Variants in NOL4 observed in about 807,000 individuals in gnomAD.
NOL4 encodes the protein cancer/testis antigen 125.
A neutral mutation model predicts 75.9 loss-of-function variants in NOL4; 17 were observed. That is an observed-to-expected ratio of 0.22 (90% CI 0.15 to 0.34). The LOEUF is 0.34. NOL4 is among the 10% of genes least tolerant of loss of function. The pLI is 1.00. For synonymous variants in NOL4, 292 were observed against 289.9 expected, an observed-to-expected ratio of 1.01 and a Z score of -0.07; for missense variants, 614 against 793.5, an observed-to-expected ratio of 0.77 and a Z score of 2.72.
At position 33,876,613 on chromosome 18, in the gene NOL4, C is replaced by T. The variant is rs1359812917; in HGVS notation, c.1723+6631G>A. ...AGTTTCTTTCTCCAGAGCTCCAAAA[C>T]TGTTACAGGGAATGACTATTTTGAT... On this transcript the variant is annotated intron_variant, in intron 10 of 10. Transcript: ENST00000261592. Among the ~76,000 whole-genome samples, 3 of 152,070 alleles carry T rather than the reference C, an allele frequency of 2.0e-5. No individual in the cohort carries two copies. The East Asian group carries it at 5.8e-4, about 29-fold the overall frequency.
intron 10 of NOL4, among the ~76,000 whole-genome samples, chr18:33,868,249 G>T (rs1307991974): frequency 6.7e-6 from 1 of 150,374 alleles, no homozygotes; most frequent in Non-Finnish European, 1.5e-5. Flanking sequence ...TTGCTATGTT[G>T]CCCAGGCTGG....
At chr18:33,873,793 A>G (rs914077309) in intron 10 of NOL4, among the ~76,000 whole-genome samples, 3 of 152,030 alleles carry the variant, frequency 2.0e-5, no homozygotes, top group East Asian at 1.9e-4. Context: ...GCCCTTGTGC[A>G]TAGTCTATAG....
At chr18:34,180,211 T>C (rs971992724) in intron 1 of NOL4, among the ~76,000 whole-genome samples, 1 of 151,524 alleles carries the variant, frequency 6.6e-6, no homozygotes, top group South Asian at 2.1e-4. Context: ...AACAATATCC[T>C]TTATTAATAT....
chr18:34,142,795 C>T (rs1301026622), intron 1 of NOL4, among the ~76,000 whole-genome samples: 3 of 151,800 alleles, frequency 2.0e-5, no homozygotes, highest in Non-Finnish European at 4.4e-5. Flanking sequence ...CAAACCTGCA[C>T]GTTGTGCACA....
intron 5 of NOL4, among the ~76,000 whole-genome samples, 167 bp from the exon 6 acceptor site, chr18:34,019,768 G>C (rs951594485): frequency 6.7e-6 from 1 of 150,368 alleles, no homozygotes; most frequent in African/African-American, 2.5e-5. Flanking sequence ...TTTTAATCTA[G>C]TAGGCACATG....
At chr18:33,920,362 T>G (rs1422122478) in intron 9 of NOL4, among the ~76,000 whole-genome samples, 1 of 152,064 alleles carries the variant, frequency 6.6e-6, no homozygotes, top group Non-Finnish European at 1.5e-5. Context: ...TTAAAGAGAG[T>G]TGGTGGTAGT....
At chr18:34,035,999 G>A (rs1212582902) in intron 5 of NOL4, among the ~76,000 whole-genome samples, 1 of 151,986 alleles carries the variant, frequency 6.6e-6, no homozygotes, top group Non-Finnish European at 1.5e-5. Context: ...TTCCAACAAA[G>A]CAAAGACCAG....
intron 2 of NOL4, among the ~76,000 whole-genome samples, chr18:34,121,837 G>C (rs540470520): frequency 2.0e-5 from 3 of 152,236 alleles, no homozygotes; most frequent in African/African-American, 7.2e-5. Flanking sequence ...AGGCATTTTG[G>C]TTATTACAGT....
chr18:33,976,643 A>T (rs896267499), intron 6 of NOL4, among the ~76,000 whole-genome samples: 1 of 152,172 alleles, frequency 6.6e-6, no homozygotes, highest in African/African-American at 2.4e-5. Flanking sequence ...GATGAAAAAA[A>T]GTTATGCATA....
intron 6 of NOL4, among the ~76,000 whole-genome samples, chr18:33,969,866 G>A (rs546787594): frequency 1.7e-3 from 255 of 151,640 alleles, no homozygotes; most frequent in Middle Eastern, 6.9e-3. Context: ...AATCTCTTCC[G>A]CTTAATAATT....
At chr18:33,989,873 A>G (rs550288201) in intron 6 of NOL4, among the ~76,000 whole-genome samples, 1 of 152,236 alleles carries the variant, frequency 6.6e-6, no homozygotes, top group South Asian at 2.1e-4. Context: ...TGTTCATTAA[A>G]CAACGTATAA....
At chr18:34,060,108 C>A (rs370170837) in intron 5 of NOL4, among the ~76,000 whole-genome samples, 3 of 152,056 alleles carry the variant, frequency 2.0e-5, no homozygotes, top group East Asian at 3.9e-4. Context: ...TTTTAAAGGG[C>A]TATGCTTTTG....
intron 10 of NOL4, among the ~76,000 whole-genome samples, chr18:33,881,374 T>C (rs1260416991): frequency 6.7e-6 from 1 of 149,278 alleles, no homozygotes; most frequent in Non-Finnish European, 1.5e-5. Flanking sequence ...TCCTGCCTAA[T>C]TGCCCTGGCC....
chr18:34,066,849 TC>T (rs1189246022), intron 5 of NOL4, among the ~76,000 whole-genome samples: 3 of 151,932 alleles, frequency 2.0e-5, no homozygotes, highest in Non-Finnish European at 2.9e-5. Flanking sequence ...CAGAAAGAAG[TC>T]AGGAATTACT....
At chr18:34,212,593 C>T (rs924090253) in intron 1 of NOL4, among the ~76,000 whole-genome samples, 8 of 152,156 alleles carry the variant, frequency 5.3e-5, no homozygotes, top group East Asian at 1.9e-4. Context: ...TAACTGGGTC[C>T]TCTGCTCAGG....
intron 8 of NOL4, among the ~76,000 whole-genome samples, chr18:33,949,894 G>A (rs868642172): frequency 4.0e-5 from 6 of 151,882 alleles, no homozygotes; most frequent in Admixed American, 6.6e-5. Context: ...AGCTGACAAC[G>A]CCTCTGATCA....
intron 9 of NOL4, among the ~76,000 whole-genome samples, chr18:33,927,572 C>T (rs1361422396): frequency 6.6e-6 from 1 of 152,062 alleles, no homozygotes; most frequent in Non-Finnish European, 1.5e-5. Flanking sequence ...GAAGACGACA[C>T]TGATAACACA....
At chr18:34,187,937 C>G (rs1446022552) in intron 1 of NOL4, among the ~76,000 whole-genome samples, 2 of 152,066 alleles carry the variant, frequency 1.3e-5, no homozygotes, top group African/African-American at 4.8e-5. Context: ...GCGTTTCCAC[C>G]ACCATGAATG....
chr18:34,025,088 T>C (rs772624913), intron 5 of NOL4, among the ~76,000 whole-genome samples: 1 of 152,178 alleles, frequency 6.6e-6, no homozygotes, highest in Non-Finnish European at 1.5e-5. Flanking sequence ...AATCTGAGGA[T>C]ATTTTAATCT....
Sources: allele counts gnomAD v4.1 joint callset (sites outside exome capture counted in the v4.1 genomes callset), GRCh38; gene constraint gnomAD v4.1.1; transcripts MANE v1.5; gene names NCBI Gene and HGNC (gene_info 2026-07-23, HGNC 2026-07-21).